Variants in RUFY4 observed in about 807,000 individuals in gnomAD.
RUFY4 encodes RUN and FYVE domain-containing protein 4.
Under a neutral mutation model 69.0 loss-of-function variants are expected in RUFY4, and 73 were observed. The ratio of observed to expected loss-of-function variants is 1.06; its 90% CI spans 0.88 to 1.29. RUFY4 has a LOEUF of 1.29. Among genes scored for constraint, RUFY4 ranks in the 50% most tolerant of loss-of-function variants. The pLI is 0.00. For missense variants in RUFY4, 770 were observed against 705.6 expected, an observed-to-expected ratio of 1.09 and a Z score of -1.03; for synonymous variants, 287 against 271.8, an observed-to-expected ratio of 1.06 and a Z score of -0.55.
chr2:218,037,398 C>T (rs528375571), intron 2 of RUFY4, among the ~76,000 whole-genome samples: 7 of 152,092 alleles, frequency 4.6e-5, no homozygotes, highest in Admixed American at 6.5e-5. Flanking sequence ...ATTTTTCTTC[C>T]GAAACATAAT....
chr2:218,051,757 CA>C (rs1688948982), intron 2 of RUFY4, among the ~76,000 whole-genome samples: 1 of 152,092 alleles, frequency 6.6e-6, no homozygotes, highest in Non-Finnish European at 1.5e-5. Context: ...ACACTGACAT[CA>C]GGGGTACCAT....
At chr2:218,080,304 A>G (rs2106065234) in intron 8 of RUFY4, among the ~76,000 whole-genome samples, 1 of 152,262 alleles carries the variant, frequency 6.6e-6, no homozygotes, top group Non-Finnish European at 1.5e-5. Flanking sequence ...AGGACAGTGG[A>G]AGTGTGGTAG....
intron 2 of RUFY4, among the ~76,000 whole-genome samples, chr2:218,036,513 CAGTTG>C (rs759608880): frequency 2.0e-5 from 3 of 152,200 alleles, no homozygotes; most frequent in African/African-American, 7.2e-5. Context: ...TTTGAACCAA[CAGTTG>C]AGTTAAGGAT....
intron 4 of RUFY4, 61 bp downstream of exon 6, chr2:218,072,946 A>G: frequency 7.5e-7 from 1 of 1,338,036 alleles, no homozygotes; most frequent in South Asian, 1.4e-5. Context: ...TCCTTTGTAA[A>G]AGAGCCCTCC....
chr2:218,051,842 A>AAAC (rs893687661), intron 2 of RUFY4, among the ~76,000 whole-genome samples: 8 of 152,188 alleles, frequency 5.3e-5, no homozygotes, highest in Admixed American at 3.3e-4. Flanking sequence ...TGCTTTTAGT[A>AAAC]AACAACAACA....
At chr2:218,069,851 G>C (rs966598728), upstream of RUFY4, among the ~76,000 whole-genome samples, 19 of 152,118 alleles carry the variant, frequency 1.2e-4, no homozygotes, top group Admixed American at 6.5e-5. Context: ...CAGGGCCACA[G>C]TGTCCCTCTC....
chr2:218,070,856 G>T, exon 2 of RUFY4: 1 of 1,534,300 alleles, frequency 6.5e-7, no homozygotes, highest in Non-Finnish European at 8.7e-7. Flanking sequence ...AGCTGCTGCT[G>T]CAGGTGGGAC....
At chr2:218,057,476 A>G (rs1689088156) in intron 2 of RUFY4, among the ~76,000 whole-genome samples, 1 of 152,198 alleles carries the variant, frequency 6.6e-6, no homozygotes, top group South Asian at 2.1e-4. Context: ...TTCTTGAAGA[A>G]CTTTCTGTGT....
intron 2 of RUFY4, among the ~76,000 whole-genome samples, chr2:218,050,211 T>C (rs1390142541): frequency 6.6e-6 from 1 of 152,198 alleles, no homozygotes; most frequent in Non-Finnish European, 1.5e-5. Flanking sequence ...ACTTTCAGTG[T>C]CCGCTCCTGC....
chr2:218,049,581 A>C (rs1559422508), intron 2 of RUFY4, among the ~76,000 whole-genome samples: 1 of 151,210 alleles, frequency 6.6e-6, no homozygotes, highest in Admixed American at 6.6e-5. Flanking sequence ...AACTCAGCTC[A>C]CCGCAGCCTC....
exon 11 of RUFY4, chr2:218,090,111 T>C: frequency 9.3e-7 from 1 of 1,078,500 alleles, no homozygotes; most frequent in Non-Finnish European, 1.3e-6. Flanking sequence ...TCCCACTCAA[T>C]CCACTCCCTG....
At chr2:218,082,807 G>A (rs1052223634) in intron 8 of RUFY4, among the ~76,000 whole-genome samples, 2 of 147,918 alleles carry the variant, frequency 1.4e-5, no homozygotes, top group East Asian at 4.4e-4. Flanking sequence ...GTTGAGATGT[G>A]TCGTGTGTTG....
exon 7 of RUFY4, chr2:218,075,318 G>C (rs781683102): frequency 1.2e-6 from 2 of 1,609,106 alleles, no homozygotes; most frequent in Admixed American, 3.4e-5. Context: ...GCTTCAGCTA[G>C]ACCAGGAGGA....
At chr2:218,035,918 G>A (rs919834166) in intron 2 of RUFY4, among the ~76,000 whole-genome samples, 6 of 152,188 alleles carry the variant, frequency 3.9e-5, no homozygotes, top group African/African-American at 1.4e-4. Flanking sequence ...ATGAGTACCC[G>A]GGTGAGGCTG....
rs1187350587 is a variant in RUFY4 at position 218,052,744 on chromosome 2, T to TA, written c.-1157-5851_-1157-5850insA. ...GACCTCTATCTCACTTTTTTTTTTT[T>TA]TAAAAAAAAAAGATAACGTCTTGTG... On this transcript the variant is annotated intron_variant and NMD_transcript_variant, in intron 2 of 13. Transcript: ENST00000457754. Among the ~76,000 whole-genome samples, 434 of 146,574 alleles carry TA rather than the reference T, an allele frequency of 3.0e-3. 2 individuals are homozygous for TA. The highest frequency in any genetic ancestry group is 3.4e-3 in the Non-Finnish European group (232 of 67,596).
At chr2:218,088,086 A>G (rs1190017151) in intron 9 of RUFY4, among the ~76,000 whole-genome samples, 1 of 152,210 alleles carries the variant, frequency 6.6e-6, no homozygotes, top group African/African-American at 2.4e-5. Flanking sequence ...AGAACAAGAA[A>G]GAGAGGGGAG....
intron 2 of RUFY4, among the ~76,000 whole-genome samples, chr2:218,053,789 C>T (rs1310793605): frequency 2.0e-5 from 3 of 152,198 alleles, no homozygotes; most frequent in African/African-American, 4.8e-5. Context: ...TGAGCCACCG[C>T]GCCCAGCCGC....
chr2:218,062,758 T>C (rs993810468), intron 3 of RUFY4, among the ~76,000 whole-genome samples: 1 of 152,068 alleles, frequency 6.6e-6, no homozygotes, highest in African/African-American at 2.4e-5. Flanking sequence ...TAAATAATAA[T>C]AAGCAAGTGG....
chr2:218,069,986 G>A (rs55879003), upstream of RUFY4, among the ~76,000 whole-genome samples: 1,126 of 152,258 alleles, frequency 7.4e-3, 10 homozygotes, highest in Non-Finnish European at 0.011. Flanking sequence ...CCCTGGGGCC[G>A]TGCTTTACTT....
Sources: gnomAD v4.1 joint callset for allele counts (sites outside exome capture counted in the v4.1 genomes callset) on GRCh38, gnomAD v4.1.1 for gene constraint, MANE v1.5 for transcripts, NCBI Gene and HGNC (gene_info 2026-07-23, HGNC 2026-07-21) for gene names.